TRAPPC12: variants seen among roughly 807,000 people sequenced by gnomAD.
The protein encoded by TRAPPC12 is TPR repeat protein 15.
In TRAPPC12, 61 loss-of-function variants were observed where a neutral mutation model predicts 69.2. That is an observed-to-expected ratio of 0.88 (90% CI 0.72 to 1.09). The LOEUF (loss-of-function observed/expected upper bound fraction) is 1.09, where lower values mean the gene tolerates loss of function less well. Ranked by LOEUF, TRAPPC12 falls within the 50% of genes least tolerant of loss-of-function variation. The pLI is 0.00. For synonymous variants in TRAPPC12, 469 were observed against 438.9 expected, an observed-to-expected ratio of 1.07 and a Z score of -0.86; for missense variants, 1,101 against 1,016.4, an observed-to-expected ratio of 1.08 and a Z score of -1.13.
At chr2:3,430,509 A>G (rs1663366682) in intron 5 of TRAPPC12, among the ~76,000 whole-genome samples, 1 of 152,106 alleles carries the variant, frequency 6.6e-6, no homozygotes, top group Non-Finnish European at 1.5e-5. Context: ...CTTGGCCTGT[A>G]TTTCTATTGG....
rs1470434347 is a variant in TRAPPC12, at chr2:3,479,329, C to T, written c.2076C>T (p.Ser692=). 7 of 1,614,198 alleles carry T rather than the reference C, an allele frequency of 4.3e-6. No individual in the cohort carries two copies. In the South Asian group the frequency reaches 4.4e-5, roughly 10 times the overall value. ...ACCCCAGGCACTACCTGCACGAGAG[C>T]GTGCTCTTCAACCTGACCACCATGT... ...QQDPRHYLHE[S]VLFNLTTMYE... The change falls in exon 12 of 12, where the codon AGC becomes AGT. Residue 692 remains serine, a synonymous_variant. Coordinates refer to ENST00000324266, the MANE Select transcript of TRAPPC12 (RefSeq NM_016030.6).
chr2:3,479,028 C>G (rs1666426178), intron 11 of TRAPPC12, 95 bp downstream of exon 11: 2 of 1,486,512 alleles, frequency 1.3e-6, no homozygotes, highest in Admixed American at 1.9e-5. Flanking sequence ...CCTGCGCTCT[C>G]TCTCTCCAGT....
intron 2 of TRAPPC12, among the ~76,000 whole-genome samples, chr2:3,391,259 A>G (rs1170081355): frequency 6.6e-6 from 1 of 152,138 alleles, no homozygotes; most frequent in Non-Finnish European, 1.5e-5. Context: ...AAGGACCTAC[A>G]GCCCCCTTTA....
intron 2 of TRAPPC12, among the ~76,000 whole-genome samples, chr2:3,395,936 G>A (rs1312561942): frequency 3.3e-5 from 5 of 152,106 alleles, no homozygotes; most frequent in Non-Finnish European, 7.4e-5. Flanking sequence ...TGCCATGTTG[G>A]TCAGGCTGGT....
chr2:3,388,018 G>T lies in TRAPPC12; in HGVS notation c.395G>T (p.Arg132Met). 1 of 1,470,810 alleles carries T rather than the reference G, an allele frequency of 6.8e-7. No individual in the cohort carries two copies. 91.1% of individuals were successfully genotyped at this position (1,470,810 alleles called of 1,614,324 possible). A position where few individuals can be genotyped will look rare whatever the true frequency, so the allele number is the denominator to read the frequency against. Residue 132 changes from arginine to methionine, a missense_variant, in exon 2 of 12, where the codon AGG (arginine) becomes ATG (methionine). Coordinates refer to ENST00000324266, the MANE Select transcript of TRAPPC12 (RefSeq NM_016030.6). ...GCACCCAGTAGCGGAGGGGCCCCGAGGCAGGACGCGGCCCGCGAGGTCCCA... is the reference window on the plus strand; with the variant it reads ...GCACCCAGTAGCGGAGGGGCCCCGATGCAGGACGCGGCCCGCGAGGTCCCA... ...DAAPSSGGAP[R>M]QDAAREVPGS...
rs547842477 is a variant in TRAPPC12, at chr2:3,387,883, G to A, written c.260G>A (p.Arg87Gln). 6.3e-6 allele frequency: 10 copies of A among 1,580,770 alleles called. No individual in the cohort carries two copies. The East Asian group carries it at 2.3e-4, about 37-fold the overall frequency. Residue 87 changes from arginine (R) to glutamine (Q), a missense_variant, in exon 2 of 12, where the codon CGA (arginine) becomes CAA (glutamine). By Grantham distance (43) the Arg-to-Gln change is conservative. Coordinates refer to ENST00000324266, the MANE Select transcript of TRAPPC12 (RefSeq NM_016030.6). ...NSEGDAGDLG[R>Q]VRDEAEPGGE... The stretch of plus-strand genomic sequence containing the variant: ...GAGGGCGACGCGGGCGACCTGGGCC[G>A]AGTGCGGGACGAAGCTGAGCCCGGA...
chr2:3,400,299 G>A (rs59946076), intron 2 of TRAPPC12, among the ~76,000 whole-genome samples: 4,504 of 29,954 alleles, frequency 0.15, 1,134 homozygotes, highest in South Asian at 0.2. Flanking sequence ...TGTCTCTGGC[G>A]TTTCAGGGAC....
chr2:3,459,959 G>T (rs968398629), intron 7 of TRAPPC12: 1 of 482,710 alleles, frequency 2.1e-6, no homozygotes, highest in African/African-American at 2.0e-5. Flanking sequence ...CAGGGTTCTG[G>T]CTTTGGAAAC....
At chr2:3,449,162 C>G (rs1475021955) in intron 6 of TRAPPC12, 1 of 152,220 alleles carries the variant, frequency 6.6e-6, no homozygotes, top group African/African-American at 2.4e-5. Flanking sequence ...ATCCTCTGAC[C>G]CTGCTCCTCC....
chr2:3,388,193 G>A lies in TRAPPC12; in HGVS notation c.570G>A (p.Glu190=), dbSNP rs757638904. 4 of 1,609,178 alleles carry A rather than the reference G, an allele frequency of 2.5e-6. No individual in the cohort carries two copies. In the African/African-American group the frequency reaches 5.4e-5, roughly 22 times the overall value. ...CGCCCAGCTTCGGTGGCGCCAGCGAGGCCTCGGCCAGGACACCGCCCCAGG... is the reference window on the plus strand; with the variant it reads ...CGCCCAGCTTCGGTGGCGCCAGCGAAGCCTCGGCCAGGACACCGCCCCAGG... The part of the protein sequence containing the change: ...VKSPSFGGAS[E]ASARTPPQVV... Residue 190 remains glutamate, a synonymous_variant, in exon 2 of 12, where the codon GAG becomes GAA. Transcript: ENST00000324266.
At chr2:3,407,513 T>A (rs1467553330) in intron 3 of TRAPPC12, among the ~76,000 whole-genome samples, 2 of 152,208 alleles carry the variant, frequency 1.3e-5, no homozygotes, top group Non-Finnish European at 2.9e-5. Context: ...TTAAAAATAG[T>A]TTCTTTGCTT....
chr2:3,443,969 G>A, intron 6 of TRAPPC12, 78 bp downstream of exon 6: 1 of 1,120,350 alleles, frequency 8.9e-7, no homozygotes, highest in Non-Finnish European at 1.3e-6. Context: ...TGCCCGTGCT[G>A]TTCCCTGCCC....
At chr2:3,461,849 A>G (rs1190098152) in intron 8 of TRAPPC12, among the ~76,000 whole-genome samples, 1 of 152,052 alleles carries the variant, frequency 6.6e-6, no homozygotes, top group African/African-American at 2.4e-5. Context: ...TCACCACCCA[A>G]GGCTTGGCCA....
Position 3,388,152 on chromosome 2 carries a change from C to T in TRAPPC12, c.529C>T (p.Pro177Ser). The change falls in exon 2 of 12, where the codon CCG becomes TCG. Residue 177 changes from proline to serine, a missense_variant. Transcript: ENST00000324266. The stretch of plus-strand genomic sequence containing the variant: ...CCCAGCCTCCGGGGACGGCTTCGAG[C>T]CGCAGATGGTGAAGTCGCCCAGCTT... ...APPASGDGFE[P>S]QMVKSPSFGG... is the part of the protein sequence containing the mutation. The T allele has an allele frequency of 6.2e-7, 1 of 1,604,820 alleles. No individual in the cohort carries two copies. The highest frequency in any genetic ancestry group is 8.5e-7 in the Non-Finnish European group (1 of 1,176,442).
At chr2:3,406,108 A>G (rs1661715281) in intron 3 of TRAPPC12, among the ~76,000 whole-genome samples, 1 of 152,106 alleles carries the variant, frequency 6.6e-6, no homozygotes, top group African/African-American at 2.4e-5. Context: ...AGAGAAGCCA[A>G]ACCTTCCCCA....
chr2:3,476,284 C>T (rs1666288253), intron 9 of TRAPPC12, among the ~76,000 whole-genome samples: 1 of 152,208 alleles, frequency 6.6e-6, no homozygotes, highest in South Asian at 2.1e-4. Context: ...CTGCCACTTT[C>T]ATGGATGCTG....
chr2:3,434,220 C>G (rs1316436181), intron 5 of TRAPPC12, among the ~76,000 whole-genome samples: 3 of 152,364 alleles, frequency 2.0e-5, no homozygotes, highest in South Asian at 4.1e-4. Flanking sequence ...CCCTCCTGCG[C>G]AGCGCTAGGA....
At chr2:3,439,505 C>A (rs113850082) in intron 5 of TRAPPC12, among the ~76,000 whole-genome samples, 4,885 of 151,754 alleles carry the variant, frequency 0.032, 319 homozygotes, top group African/African-American at 0.11. Flanking sequence ...TCAGCCTCCC[C>A]GCGTGCTGGG....
At chr2:3,389,599 G>A (rs1660708101) in intron 2 of TRAPPC12, 2 of 458,364 alleles carry the variant, frequency 4.4e-6, no homozygotes, top group South Asian at 1.6e-5. Flanking sequence ...GGACTAACGG[G>A]CATCTTAACG....
Sources: allele counts gnomAD v4.1 joint callset (sites outside exome capture counted in the v4.1 genomes callset), GRCh38; gene constraint gnomAD v4.1.1; transcripts MANE v1.5; gene names NCBI Gene and HGNC (gene_info 2026-07-23, HGNC 2026-07-21).